Variants in GRID1 observed in about 807,000 individuals in gnomAD.
GRID1 encodes the protein glutamate receptor ionotropic, delta-1.
Under a neutral mutation model 98.0 loss-of-function variants are expected in GRID1, and 28 were observed. That is an observed-to-expected ratio of 0.29 (90% CI 0.21 to 0.39). GRID1 has a LOEUF of 0.39. GRID1 is among the 10% of genes least tolerant of loss of function. The probability of loss-of-function intolerance (pLI) is 1.00; values close to 1 mark genes in which losing one functional copy is unlikely to be tolerated. For synonymous variants in GRID1, 553 were observed against 538.5 expected (o/e 1.03, Z -0.37); for missense variants, 1,111 against 1,340.5 (o/e 0.83, Z 2.67).
chr10:85,713,259 GA>G (rs1359644433), intron 12 of GRID1, among the ~76,000 whole-genome samples: 2 of 151,720 alleles, frequency 1.3e-5, no homozygotes, highest in East Asian at 3.9e-4. Context: ...AGGGTCATAA[GA>G]GAACACTATA....
rs76969000 is a variant in GRID1 at position 86,125,931 on chromosome 10, T to C, written c.726+12888A>G. ...ATTTGTGTTGATCAAATGTTTATGT[T>C]ATCGGTAAGGCTTCTGGCCAACAGT... On this transcript the variant is annotated intron_variant, in intron 4 of 15. Coordinates refer to ENST00000327946, the MANE Select transcript of GRID1 (RefSeq NM_017551.3). Among the ~76,000 whole-genome samples, 841 of 152,338 alleles carry C rather than the reference T, an allele frequency of 5.5e-3. 20 individuals are homozygous for C. The East Asian group carries it at 0.078, about 14-fold the overall frequency.
At chr10:86,336,452 C>T (rs1463434879) in intron 2 of GRID1, among the ~76,000 whole-genome samples, 3 of 152,114 alleles carry the variant, frequency 2.0e-5, no homozygotes, top group African/African-American at 4.8e-5. Context: ...CCCTGAGCTC[C>T]GGGTCTCCTC....
At chr10:85,701,584 T>G (rs1340877271) in intron 12 of GRID1, among the ~76,000 whole-genome samples, 2 of 152,162 alleles carry the variant, frequency 1.3e-5, no homozygotes. Flanking sequence ...GGTTAAGACT[T>G]GAAAGGGTGA....
rs144992180 is a variant in GRID1 at position 85,997,480 on chromosome 10, T to C, written c.727-81241A>G. 1.6e-3 allele frequency among the ~76,000 whole-genome samples: 243 copies of C among 152,240 alleles called. 2 individuals are homozygous for C. The highest frequency in any genetic ancestry group is 5.2e-3 in the Admixed American group (79 of 15,286). On this transcript the variant is annotated intron_variant, in intron 4 of 15. Transcript: ENST00000327946. ...CTAAATGGTGGCAAGATTTCTACAC[T>C]GCACTTAAAGTGGCAAATTATTGAT...
At chr10:86,286,479 G>A (rs1281463501) in intron 2 of GRID1, among the ~76,000 whole-genome samples, 1 of 152,168 alleles carries the variant, frequency 6.6e-6, no homozygotes, top group African/African-American at 2.4e-5. Context: ...AACCACCATG[G>A]GCTCCACGAA....
At chr10:85,617,236 CT>C (rs1485610546) in intron 14 of GRID1, among the ~76,000 whole-genome samples, 2 of 134,482 alleles carry the variant, frequency 1.5e-5, no homozygotes, top group Admixed American at 7.4e-5. Flanking sequence ...CCCCCCCCCC[CT>C]TTTATTTTTT....
At chr10:85,846,150 C>T (rs557406395) in intron 8 of GRID1, among the ~76,000 whole-genome samples, 1 of 152,200 alleles carries the variant, frequency 6.6e-6, no homozygotes, top group Admixed American at 6.5e-5. Context: ...AGAATTCAGT[C>T]ACAACTATAT....
chr10:86,174,987 A>T (rs571648590), intron 3 of GRID1, among the ~76,000 whole-genome samples: 1 of 152,088 alleles, frequency 6.6e-6, no homozygotes, highest in Non-Finnish European at 1.5e-5. Context: ...AAAAGTCAGG[A>T]AACAACAGGT....
At chr10:85,906,063 G>A (rs1250821270) in intron 5 of GRID1, among the ~76,000 whole-genome samples, 1 of 152,010 alleles carries the variant, frequency 6.6e-6, no homozygotes, top group African/African-American at 2.4e-5. Flanking sequence ...GTGAAAAAAG[G>A]TATTATACTA....
chr10:85,746,969 A>T (rs1183664624), intron 8 of GRID1, among the ~76,000 whole-genome samples: 1 of 152,152 alleles, frequency 6.6e-6, no homozygotes, highest in Non-Finnish European at 1.5e-5. Context: ...CTGTATTCCC[A>T]CATCATCTAA....
At chr10:85,911,589 C>A (rs1781462857) in intron 5 of GRID1, among the ~76,000 whole-genome samples, 1 of 152,180 alleles carries the variant, frequency 6.6e-6, no homozygotes, top group South Asian at 2.1e-4. Flanking sequence ...TGTGTGCATA[C>A]CCACATCATC....
intron 12 of GRID1, among the ~76,000 whole-genome samples, chr10:85,651,824 C>T (rs900146218): frequency 1.3e-5 from 2 of 152,176 alleles, no homozygotes; most frequent in African/African-American, 4.8e-5. Context: ...TGTTTGCTGC[C>T]TATCTTCTTA....
intron 8 of GRID1, among the ~76,000 whole-genome samples, chr10:85,732,917 A>G (rs903375055): frequency 6.6e-6 from 1 of 151,974 alleles, no homozygotes; most frequent in Non-Finnish European, 1.5e-5. Flanking sequence ...GGCACACCAC[A>G]TTCCCTCCTG....
At chr10:86,304,274 G>C (rs989459574) in intron 2 of GRID1, among the ~76,000 whole-genome samples, 8 of 152,222 alleles carry the variant, frequency 5.3e-5, no homozygotes, top group Admixed American at 2.6e-4. Flanking sequence ...CCAGGACAAA[G>C]AGAAGGCAGG....
chr10:85,625,350 T>A (rs910405098), intron 13 of GRID1, among the ~76,000 whole-genome samples: 4 of 152,260 alleles, frequency 2.6e-5, no homozygotes, highest in Non-Finnish European at 5.9e-5. Flanking sequence ...TCCAGGACAC[T>A]GGCTCCCTGA....
intron 8 of GRID1, among the ~76,000 whole-genome samples, chr10:85,841,316 C>A (rs1261933748): frequency 1.3e-5 from 2 of 152,106 alleles, no homozygotes; most frequent in African/African-American, 2.4e-5. Context: ...TTCCTTTCAC[C>A]ATACACAAAA....
At position 85,601,353 on chromosome 10, in the gene GRID1, C is replaced by G. The variant is rs1177319556; in HGVS notation, c.*920G>C. 1 of 152,438 alleles carries G rather than the reference C, an allele frequency of 6.6e-6. No homozygotes were observed. The highest frequency in any genetic ancestry group is 1.5e-5 in the Non-Finnish European group (1 of 68,256). The allele number at this position is 152,438 out of a possible 1,614,324, so 9.4% of individuals were successfully genotyped here. A position where few individuals can be genotyped will look rare whatever the true frequency, so the allele number is the denominator to read the frequency against. On this transcript the variant is annotated 3_prime_UTR_variant, in exon 16 of 16. Transcript: ENST00000327946. The stretch of plus-strand genomic sequence containing the variant: ...CCTGGCCTTTTGTTCCACCACCTCA[C>G]CTGGTCCATGCAACTAACCCCACCT...
intron 5 of GRID1, among the ~76,000 whole-genome samples, chr10:85,888,221 C>T (rs1463534141): frequency 1.3e-5 from 2 of 152,246 alleles, no homozygotes; most frequent in East Asian, 3.8e-4. Context: ...TGCCCTCATA[C>T]TCTGGCTGCC....
At chr10:85,656,457 G>A (rs1840896119) in intron 12 of GRID1, among the ~76,000 whole-genome samples, 1 of 152,142 alleles carries the variant, frequency 6.6e-6, no homozygotes, top group Non-Finnish European at 1.5e-5. Context: ...ATACATTGAT[G>A]ACTGTAGTGG....
Sources: allele counts gnomAD v4.1 joint callset (sites outside exome capture counted in the v4.1 genomes callset), GRCh38; gene constraint gnomAD v4.1.1; transcripts MANE v1.5; gene names NCBI Gene and HGNC (gene_info 2026-07-23, HGNC 2026-07-21).